Variants in TRIM51G observed in about 807,000 individuals in gnomAD.
The protein encoded by TRIM51G is tripartite motif-containing 51G.
chr11:48,976,076 C>T, the TRIM51G span: 8 of 377,272 alleles, frequency 2.1e-5, no homozygotes, highest in South Asian at 1.5e-4. Flanking sequence ...GTTGTTCTAC[C>T]AAGAATTTAC....
the TRIM51G span, among the ~76,000 whole-genome samples, chr11:48,979,573 A>T: frequency 6.6e-6 from 1 of 151,950 alleles, no homozygotes; most frequent in African/African-American, 2.4e-5. Flanking sequence ...TCTCTTCCAA[A>T]CTCACCCTAA....
chr11:48,981,288 G>A, the TRIM51G span: 1 of 1,605,030 alleles, frequency 6.2e-7, no homozygotes, highest in Non-Finnish European at 8.5e-7. Flanking sequence ...CACTTACCCG[G>A]CGTTCCTCAG....
chr11:48,982,160 G>A, the TRIM51G span, among the ~76,000 whole-genome samples: 1 of 151,950 alleles, frequency 6.6e-6, no homozygotes, highest in Non-Finnish European at 1.5e-5. Context: ...CCAGAAGCCG[G>A]CTCTTTAAAA....
At chr11:48,982,228 C>A in the TRIM51G span, among the ~76,000 whole-genome samples, 1 of 152,070 alleles carries the variant, frequency 6.6e-6, no homozygotes, top group African/African-American at 2.4e-5. Context: ...AACAATTAAA[C>A]CAGTCTAGGC....
At chr11:48,981,457 G>A in the TRIM51G span, 2 of 1,607,416 alleles carry the variant, frequency 1.2e-6, no homozygotes, top group African/African-American at 1.3e-5. Context: ...CCGGAGGCTG[G>A]CTTTTCTGGC....
chr11:48,981,415 C>A, the TRIM51G span: 23 of 1,607,770 alleles, frequency 1.4e-5, no homozygotes, highest in Non-Finnish European at 2.0e-5. Flanking sequence ...TCTGTGCGTC[C>A]CACATATTTG....
chr11:48,979,751 G>A, the TRIM51G span, among the ~76,000 whole-genome samples: 2 of 150,570 alleles, frequency 1.3e-5, no homozygotes, highest in South Asian at 2.1e-4. Context: ...ATGGATATTT[G>A]AGGAATATAT....
At chr11:48,977,072 G>A in the TRIM51G span, 1 of 943,638 alleles carries the variant, frequency 1.1e-6, no homozygotes, top group Non-Finnish European at 1.7e-6. Context: ...TTTGCCAATG[G>A]GCTGACACTC....
At chr11:48,977,077 A>G in the TRIM51G span, 25 of 982,934 alleles carry the variant, frequency 2.5e-5, no homozygotes, top group Middle Eastern at 2.1e-4. Context: ...CAATGGGCTG[A>G]CACTCACCTC....
At chr11:48,978,966 C>T in the TRIM51G span, 152 of 1,576,402 alleles carry the variant, frequency 9.6e-5, no homozygotes, top group South Asian at 7.8e-4. Context: ...TCTGGCTTTG[C>T]TTTCATTGAG....
the TRIM51G span, among the ~76,000 whole-genome samples, chr11:48,983,291 A>G: frequency 6.9e-6 from 1 of 145,802 alleles, no homozygotes; most frequent in Non-Finnish European, 1.5e-5. Context: ...TTTCTAAGCT[A>G]GGGCATTTTG....
At chr11:48,976,065 A>C in the TRIM51G span, 2 of 387,724 alleles carry the variant, frequency 5.2e-6, no homozygotes, top group East Asian at 6.6e-5. Context: ...TTGAGGGAAA[A>C]GTTGTTCTAC....
chr11:48,981,652 C>T, the TRIM51G span: 6 of 1,599,024 alleles, frequency 3.8e-6, no homozygotes, highest in South Asian at 1.1e-5. Flanking sequence ...GCAGATGGGA[C>T]AGATGAGTTC....
the TRIM51G span, chr11:48,981,515 G>T: frequency 6.2e-7 from 1 of 1,604,994 alleles, no homozygotes; most frequent in Non-Finnish European, 8.5e-7. Context: ...AGGTTTCTCT[G>T]CCGTGTTGTC....
At chr11:48,979,077 G>A in the TRIM51G span, 2 of 822,084 alleles carry the variant, frequency 2.4e-6, no homozygotes, top group Non-Finnish European at 2.2e-6. Flanking sequence ...AGCTCTGATT[G>A]CTTCTATCCT....
At chr11:48,981,621 T>C in the TRIM51G span, 1 of 1,600,438 alleles carries the variant, frequency 6.2e-7, no homozygotes, top group Non-Finnish European at 8.6e-7. Flanking sequence ...CTATGGTGAC[T>C]GGGTCTATGA....
At chr11:48,977,111 A>AGAT in the TRIM51G span, 1 of 1,204,330 alleles carries the variant, frequency 8.3e-7, no homozygotes, top group Admixed American at 1.7e-5. Context: ...CCTGTCCATC[A>AGAT]GTCCAATGAT....
the TRIM51G span, chr11:48,981,452 G>A: frequency 5.0e-6 from 8 of 1,607,526 alleles, no homozygotes; most frequent in South Asian, 7.7e-5. Flanking sequence ...AATTGCCGGA[G>A]GCTGGCTTTT....
At chr11:48,979,071 C>T in the TRIM51G span, 2 of 828,940 alleles carry the variant, frequency 2.4e-6, no homozygotes, top group Non-Finnish European at 4.3e-6. Context: ...ATATTCAGCT[C>T]TGATTGCTTC....
Sources: gnomAD v4.1 joint callset for allele counts (sites outside exome capture counted in the v4.1 genomes callset) on GRCh38, gnomAD v4.1.1 for gene constraint, MANE v1.5 for transcripts, NCBI Gene and HGNC (gene_info 2026-07-23, HGNC 2026-07-21) for gene names.